PTPRK: variants seen among roughly 807,000 people sequenced by gnomAD.
PTPRK encodes the protein protein tyrosine phosphatase receptor type K, also known as receptor-type tyrosine-protein phosphatase kappa.
In PTPRK, 75 loss-of-function variants were observed where a neutral mutation model predicts 178.0. That is an observed-to-expected ratio of 0.42 (90% confidence interval 0.35 to 0.51). PTPRK has a LOEUF of 0.51. PTPRK is among the 20% of genes least tolerant of loss of function. The probability of loss-of-function intolerance (pLI) is 0.02; values close to 1 mark genes in which losing one functional copy is unlikely to be tolerated. For synonymous variants in PTPRK, 637 were observed against 620.6 expected, an observed-to-expected ratio of 1.03 and a Z score of -0.39; for missense variants, 1,441 against 1,797.8, an observed-to-expected ratio of 0.80 and a Z score of 3.59.
At chr6:127,988,462 T>C (rs1406287994) in intron 21 of PTPRK, among the ~76,000 whole-genome samples, 2 of 151,944 alleles carry the variant, frequency 1.3e-5, no homozygotes, top group Non-Finnish European at 2.9e-5. Context: ...AACATAGATA[T>C]TAGCTATTCC....
intron 7 of PTPRK, among the ~76,000 whole-genome samples, chr6:128,174,568 A>G (rs962129494): frequency 4.6e-5 from 7 of 151,928 alleles, no homozygotes; most frequent in African/African-American, 1.4e-4. Context: ...ATTTCAAAAT[A>G]ATCATTTCAC....
chr6:128,416,786 T>C (rs1381834790), intron 1 of PTPRK, among the ~76,000 whole-genome samples: 1 of 151,558 alleles, frequency 6.6e-6, no homozygotes, highest in Non-Finnish European at 1.5e-5. Flanking sequence ...AACAATAGTA[T>C]ACAGGATAGA....
intron 1 of PTPRK, among the ~76,000 whole-genome samples, chr6:128,468,014 C>G (rs1298713985): frequency 6.6e-6 from 1 of 152,184 alleles, no homozygotes; most frequent in East Asian, 1.9e-4. Context: ...ATCCAACTAC[C>G]TAATTGATTT....
intron 6 of PTPRK, among the ~76,000 whole-genome samples, chr6:128,198,376 C>T (rs767446512): frequency 2.0e-5 from 3 of 152,172 alleles, no homozygotes; most frequent in Middle Eastern, 6.8e-3. Context: ...TTGTGTTTTC[C>T]ATGGGAAACT....
rs1261200103 is a variant in PTPRK, at chr6:128,078,882, G to A, written c.1814C>T (p.Ser605Phe). ...TATTGTGGTGGCAGTTTCATTGAGA[G>A]AGGCATCAACTCCTTCATAGTCAGG... Reference protein sequence around the residue: ...TLPDYEGVDASLNETATTITV... With the variant: ...TLPDYEGVDAFLNETATTITV... The change falls in exon 11 of 30, where the codon TCT (serine) becomes TTT (phenylalanine). Residue 605 changes from serine (S) to phenylalanine (F), a missense_variant. Physicochemically the swap from Ser to Phe is radical, Grantham distance 155. Transcript: ENST00000368226. 1.2e-6 allele frequency: 2 copies of A among 1,612,276 alleles called. No homozygotes were observed. Among genetic ancestry groups the A allele is most frequent in the Non-Finnish European group, 8.5e-7 (1 of 1,178,720 alleles).
chr6:128,172,117 G>C (rs1286839270), intron 7 of PTPRK, among the ~76,000 whole-genome samples: 1 of 151,918 alleles, frequency 6.6e-6, no homozygotes, highest in Non-Finnish European at 1.5e-5. Context: ...CTGAGATAAA[G>C]GAGATCAGCT....
intron 7 of PTPRK, among the ~76,000 whole-genome samples, chr6:128,106,904 AT>A (rs1264487172): frequency 3.9e-5 from 6 of 152,102 alleles, no homozygotes; most frequent in South Asian, 4.1e-4. Context: ...ATATTTTAGT[AT>A]TTTTTTGTAA....
intron 1 of PTPRK, among the ~76,000 whole-genome samples, chr6:128,478,566 A>G (rs2128422338): frequency 6.6e-6 from 1 of 152,242 alleles, no homozygotes; most frequent in South Asian, 2.1e-4. Context: ...GATTTTTATG[A>G]TACTCTGCCA....
At chr6:128,102,308 A>G (rs987848709) in intron 7 of PTPRK, among the ~76,000 whole-genome samples, 4 of 152,260 alleles carry the variant, frequency 2.6e-5, no homozygotes, top group Non-Finnish European at 5.9e-5. Context: ...CTTTTCTTAT[A>G]TAACTCACTG....
At chr6:128,343,513 A>T (rs1207987776) in intron 2 of PTPRK, among the ~76,000 whole-genome samples, 1 of 151,636 alleles carries the variant, frequency 6.6e-6, no homozygotes, top group African/African-American at 2.4e-5. Context: ...AAAAAAAAAA[A>T]AAGAAAAGAA....
intron 1 of PTPRK, among the ~76,000 whole-genome samples, chr6:128,427,400 C>T (rs573789450): frequency 5.3e-5 from 8 of 152,298 alleles, no homozygotes; most frequent in African/African-American, 1.9e-4. Context: ...TACACAGGAA[C>T]TACTGTGCAG....
At chr6:128,273,903 T>G (rs1263294897) in intron 3 of PTPRK, among the ~76,000 whole-genome samples, 13 of 152,146 alleles carry the variant, frequency 8.5e-5, no homozygotes, top group Non-Finnish European at 1.5e-4. Flanking sequence ...AAATGAAAAC[T>G]CTTATAAAGT....
rs527988841 is a variant in PTPRK, at chr6:128,073,280, A to T, written c.1884-5488T>A. On this transcript the variant is annotated intron_variant, in intron 11 of 29. Coordinates refer to ENST00000368226, the MANE Select transcript of PTPRK (RefSeq NM_002844.4). ...AGTAGCAAAAGTCTCTGTTCTCATG[A>T]AGTTTACATTCTAGTGGGGAGACAC... Among the ~76,000 whole-genome samples, 5 of 152,132 alleles carry T rather than the reference A, an allele frequency of 3.3e-5. No individual in the cohort carries two copies. In the South Asian group the frequency reaches 1.0e-3, roughly 32 times the overall value.
In PTPRK at chr6:128,079,036, G is replaced by A. The variant is rs558347233; in HGVS notation, c.1778-118C>T. ...AAAAATTCACCTAATTATCTACAAC[G>A]TATTTTGTTTTATAGCATAACATCT... On this transcript the variant is annotated intron_variant, in intron 10 of 29. Transcript: ENST00000368226. 4.7e-5 allele frequency: 27 copies of A among 570,788 alleles called. No homozygotes were observed. The South Asian group carries it at 5.1e-4, about 11-fold the overall frequency. The allele number at this position is 570,788 out of a possible 1,614,324, so 35.4% of individuals were successfully genotyped here. A position where few individuals can be genotyped will look rare whatever the true frequency, so the allele number is the denominator to read the frequency against.
At chr6:128,484,558 A>G (rs990091946) in intron 1 of PTPRK, among the ~76,000 whole-genome samples, 1 of 152,214 alleles carries the variant, frequency 6.6e-6, no homozygotes, top group Non-Finnish European at 1.5e-5. Flanking sequence ...AAGTGATAAT[A>G]CTTACATATA....
chr6:128,191,626 T>C (rs1465848067), intron 6 of PTPRK, among the ~76,000 whole-genome samples: 1 of 152,126 alleles, frequency 6.6e-6, no homozygotes. Flanking sequence ...ATTAGCTTGA[T>C]AATTATTTCA....
chr6:128,327,467 T>A (rs1282551185), intron 2 of PTPRK, among the ~76,000 whole-genome samples: 1 of 152,186 alleles, frequency 6.6e-6, no homozygotes, highest in Non-Finnish European at 1.5e-5. Flanking sequence ...TACCTCCCAC[T>A]TCTCTTCACA....
intron 13 of PTPRK, among the ~76,000 whole-genome samples, chr6:128,016,944 T>A (rs1251233233): frequency 1.3e-5 from 2 of 152,158 alleles, no homozygotes; most frequent in South Asian, 4.1e-4. Context: ...GGAAACATAT[T>A]ATTCTGTGCT....
intron 7 of PTPRK, among the ~76,000 whole-genome samples, chr6:128,150,779 C>A (rs916921202): frequency 3.3e-5 from 5 of 152,092 alleles, no homozygotes; most frequent in Admixed American, 6.6e-5. Flanking sequence ...ATGTCAAATC[C>A]TGGCTCTATC....
Sources: allele counts gnomAD v4.1 joint callset (sites outside exome capture counted in the v4.1 genomes callset), GRCh38; gene constraint gnomAD v4.1.1; transcripts MANE v1.5; gene names NCBI Gene and HGNC (gene_info 2026-07-23, HGNC 2026-07-21).